IL17RD: variants seen among roughly 807,000 people sequenced by gnomAD.
IL17RD encodes the protein interleukin 17 receptor D.
A neutral mutation model predicts 80.5 loss-of-function variants in IL17RD; 52 were observed. That is an observed-to-expected ratio of 0.65 (90% CI 0.52 to 0.81). The LOEUF is 0.81. IL17RD is among the 40% of genes least tolerant of loss of function. The pLI is 0.00. For synonymous variants in IL17RD, 416 were observed against 391.8 expected, an observed-to-expected ratio of 1.06 and a Z score of -0.73; for missense variants, 1,024 against 955.1, an observed-to-expected ratio of 1.07 and a Z score of -0.95.
intron 1 of IL17RD, among the ~76,000 whole-genome samples, chr3:57,131,745 A>T (rs1041524843): frequency 6.6e-6 from 1 of 152,230 alleles, no homozygotes; most frequent in Admixed American, 6.5e-5. Flanking sequence ...GTGCACACAC[A>T]TTGGCACATG....
rs917773949 is a variant in IL17RD, at chr3:57,093,448, T to A, written c.*2945A>T. On this transcript the variant is annotated 3_prime_UTR_variant, in exon 13 of 13. Transcript: ENST00000296318. ...GGAATAAAATTGGTCCTCTTGCCCC[T>A]TATTTCTTTTAAAAGAAAAGATGCT... The A allele has an allele frequency of 6.6e-6, 1 of 152,198 alleles. No individual in the cohort carries two copies. The highest frequency in any genetic ancestry group is 2.4e-5 in the African/African-American group (1 of 41,464). 9.4% of individuals were successfully genotyped at this position (152,198 alleles called of 1,614,324 possible).
intron 1 of IL17RD, among the ~76,000 whole-genome samples, chr3:57,158,635 G>A (rs1456651509): frequency 6.6e-6 from 1 of 152,038 alleles, no homozygotes; most frequent in Non-Finnish European, 1.5e-5. Flanking sequence ...AAAGAAAAGG[G>A]AATCCATTTT....
intron 1 of IL17RD, among the ~76,000 whole-genome samples, chr3:57,156,470 TAGG>T (rs533210156): frequency 2.2e-3 from 335 of 152,044 alleles, no homozygotes; most frequent in African/African-American, 7.8e-3. Flanking sequence ...GAGGCTGAGG[TAGG>T]AGAATTGCCT....
At chr3:57,122,920 T>A (rs2107501825) in intron 1 of IL17RD, among the ~76,000 whole-genome samples, 1 of 152,006 alleles carries the variant, frequency 6.6e-6, no homozygotes, top group East Asian at 1.9e-4. Context: ...TTGTCAGATG[T>A]AGCTTTTTTT....
chr3:57,149,367 T>C (rs1169674481), intron 1 of IL17RD, among the ~76,000 whole-genome samples: 1 of 151,700 alleles, frequency 6.6e-6, no homozygotes, highest in Non-Finnish European at 1.5e-5. Context: ...CTCAGGTGAG[T>C]CTTCATCCCA....
At position 57,111,889 on chromosome 3, in the gene IL17RD, G is replaced by A. The variant is rs562555788; in HGVS notation, c.311-1578C>T. Among the ~76,000 whole-genome samples, 5 of 151,730 alleles carry A rather than the reference G, an allele frequency of 3.3e-5. No individual in the cohort carries two copies. In the South Asian group the frequency reaches 1.0e-3, roughly 32 times the overall value. On this transcript the variant is annotated intron_variant, in intron 3 of 12. Transcript: ENST00000296318. ...AGTCAGGAGAATGGTGTGAACCTGG[G>A]AGGCGGAGCTTGCAGTGAGCTGAGA... is the stretch of plus-strand genomic sequence containing the variant.
At chr3:57,104,034 AAAAC>A (rs1304647075) in intron 8 of IL17RD, among the ~76,000 whole-genome samples, 1 of 152,230 alleles carries the variant, frequency 6.6e-6, no homozygotes, top group Admixed American at 6.5e-5. Flanking sequence ...TTTTCATACT[AAAAC>A]AAAAAAAATT....
At chr3:57,164,991 C>T (rs1348664714) in intron 1 of IL17RD, 170 bp downstream of exon 1, 1 of 1,335,610 alleles carries the variant, frequency 7.5e-7, no homozygotes, top group Non-Finnish European at 9.5e-7. Flanking sequence ...GGAGGACACG[C>T]GTCCGGGGAG....
At chr3:57,166,913 C>T (rs1388312013), upstream of IL17RD, among the ~76,000 whole-genome samples, 1 of 152,238 alleles carries the variant, frequency 6.6e-6, no homozygotes, top group Non-Finnish European at 1.5e-5. Flanking sequence ...CCTGCACTTT[C>T]TCTTGTGGCT....
At chr3:57,135,138 A>C (rs1404593927) in intron 1 of IL17RD, among the ~76,000 whole-genome samples, 1 of 139,694 alleles carries the variant, frequency 7.2e-6, no homozygotes, top group Non-Finnish European at 1.5e-5. Flanking sequence ...AACAAACAAA[A>C]AACACACAAA....
chr3:57,122,968 T>C (rs1707373419), intron 1 of IL17RD, among the ~76,000 whole-genome samples: 1 of 152,036 alleles, frequency 6.6e-6, no homozygotes, highest in African/African-American at 2.4e-5. Context: ...GTTTGTTTCC[T>C]CTTATTCCTA....
Position 57,165,178 on chromosome 3 carries a change from C to T in IL17RD, c.109G>A (p.Asp37Asn). The T allele has an allele frequency of 1.3e-6, 2 of 1,526,610 alleles. No homozygotes were observed. The highest frequency in any genetic ancestry group is 2.6e-5 in the East Asian group (1 of 38,520). 94.6% of individuals were successfully genotyped at this position (1,526,610 alleles called of 1,614,324 possible). Reference sequence around the variant, plus strand: ...CGCCTTACCCTCCAGCCACAGGTGTCGGCGCCCCGCGCGCGGCCGGACCCG... The same window carrying T: ...CGCCTTACCCTCCAGCCACAGGTGTTGGCGCCCCGCGCGCGGCCGGACCCG... ...AGGSGRARGA[D>N]TCGWRGVGPA... Residue 37 changes from aspartate (D) to asparagine (N), a missense_variant, in exon 1 of 13, where the codon GAC becomes AAC. Coordinates refer to ENST00000296318, the MANE Select transcript of IL17RD (RefSeq NM_017563.5).
At chr3:57,098,859 T>C (rs542345258) in intron 11 of IL17RD, among the ~76,000 whole-genome samples, 4 of 152,160 alleles carry the variant, frequency 2.6e-5, no homozygotes, top group Non-Finnish European at 5.9e-5. Context: ...ACACCCTACA[T>C]AGGATATCCT....
At chr3:57,169,499 C>T (rs558408863), upstream of IL17RD, 21 of 210,894 alleles carry the variant, frequency 1.0e-4, no homozygotes, top group South Asian at 6.8e-4. Context: ...AAATCCTTAA[C>T]GCAAGGATTG....
At chr3:57,163,277 G>C (rs1328582464) in intron 1 of IL17RD, among the ~76,000 whole-genome samples, 2 of 152,188 alleles carry the variant, frequency 1.3e-5, no homozygotes, top group Non-Finnish European at 2.9e-5. Context: ...GAGCAGCTGA[G>C]AAAAGTCACC....
rs1002858558 is a variant in IL17RD, at chr3:57,134,367, A to G, written c.127-14054T>C. The G allele has an allele frequency of 2.4e-5, 17 of 694,016 alleles. No individual in the cohort carries two copies. In the African/African-American group the frequency reaches 2.6e-4, roughly 11 times the overall value. The allele number at this position is 694,016 out of a possible 1,614,324, so 43.0% of individuals were successfully genotyped here. A position where few individuals can be genotyped will look rare whatever the true frequency, so the allele number is the denominator to read the frequency against. On this transcript the variant is annotated intron_variant, in intron 1 of 12. Coordinates refer to ENST00000296318, the MANE Select transcript of IL17RD (RefSeq NM_017563.5). ...CCGCTGGAAGGGCAGGCACATGGGCATAAGTAAGCGAAAGGGTACAGCCAA... is the reference window on the plus strand; with the variant it reads ...CCGCTGGAAGGGCAGGCACATGGGCGTAAGTAAGCGAAAGGGTACAGCCAA...
At chr3:57,163,785 C>CGGGGGGGGGGGGGGGGGGGGGGGGG (rs57632395) in intron 1 of IL17RD, among the ~76,000 whole-genome samples, 2 of 15,962 alleles carry the variant, frequency 1.3e-4, no homozygotes, top group South Asian at 1.3e-3. Flanking sequence ...CCTAATGGGG[C>CGGGGGGGGGGGGGGGGGGGGGGGGG]GGGGGGGCGG....
upstream of IL17RD, among the ~76,000 whole-genome samples, chr3:57,166,219 T>C (rs2060347586): frequency 6.6e-6 from 1 of 152,204 alleles, no homozygotes; most frequent in African/African-American, 2.4e-5. Context: ...TCTCCCACTT[T>C]GTCCCTCTCC....
At chr3:57,132,477 C>A (rs542126577) in intron 1 of IL17RD, among the ~76,000 whole-genome samples, 2 of 151,966 alleles carry the variant, frequency 1.3e-5, no homozygotes, top group African/African-American at 4.8e-5. Flanking sequence ...ACAACAACAA[C>A]AAAAACAAAC....
Sources: gnomAD v4.1 joint callset for allele counts (sites outside exome capture counted in the v4.1 genomes callset) on GRCh38, gnomAD v4.1.1 for gene constraint, MANE v1.5 for transcripts, NCBI Gene and HGNC (gene_info 2026-07-23, HGNC 2026-07-21) for gene names.